IQCH: variants seen among roughly 807,000 people sequenced by gnomAD.
IQCH encodes the protein IQ motif containing H.
A neutral mutation model predicts 117.0 loss-of-function variants in IQCH; 98 were observed. The observed-to-expected ratio is 0.84, with a 90% CI of 0.71 to 0.99. The LOEUF is 0.99. IQCH is among the 50% of genes least tolerant of loss of function. The pLI, the probability that IQCH is intolerant of heterozygous loss-of-function variation, is 0.00. For missense variants in IQCH, 1,102 were observed against 1,243.8 expected (o/e 0.89, Z 1.72); for synonymous variants, 412 against 448.2 (o/e 0.92, Z 1.02).
chr15:67,354,880 T>C (rs10152973), intron 6 of IQCH, among the ~76,000 whole-genome samples: 31,847 of 152,066 alleles, frequency 0.21, 4,060 homozygotes, highest in East Asian at 0.47. Flanking sequence ...AGATGGCTTC[T>C]GCAGCCCTGG....
chr15:67,272,914 A>G (rs1255717121), intron 3 of IQCH, among the ~76,000 whole-genome samples: 1 of 152,088 alleles, frequency 6.6e-6, no homozygotes, highest in African/African-American at 2.4e-5. Context: ...ATTTACATTC[A>G]GTCTTATTAT....
Position 67,481,979 on chromosome 15 carries a change from C to G in IQCH, c.2799+6161C>G, listed in dbSNP as rs1418833644. Among the ~76,000 whole-genome samples, 1 of 152,160 alleles carries G rather than the reference C, an allele frequency of 6.6e-6. No homozygotes were observed. ...TTGTGCCTGTAATCCTAGCTGCTCA[C>G]GAGGTTGAGGCAGGAGGACCGCTCA... is the stretch of plus-strand genomic sequence containing the variant. On this transcript the variant is annotated intron_variant, in intron 18 of 20. Coordinates refer to ENST00000335894, the MANE Select transcript of IQCH (RefSeq NM_001031715.3). The surrounding 1 kb of genome is among the most constrained non-coding windows in gnomAD (Gnocchi z 4.1).
intron 16 of IQCH, among the ~76,000 whole-genome samples, chr15:67,439,810 C>A (rs2082221229): frequency 6.6e-6 from 1 of 150,920 alleles, no homozygotes; most frequent in Non-Finnish European, 1.5e-5. Context: ...ATCACTTGAA[C>A]CCGGGAGGCA....
chr15:67,354,600 ACAT>A (rs1969806720), intron 6 of IQCH, among the ~76,000 whole-genome samples: 1 of 116,970 alleles, frequency 8.5e-6, no homozygotes, highest in Non-Finnish European at 2.1e-5. Flanking sequence ...AGGTCCTAGC[ACAT>A]GCAATAAGAC....
intron 6 of IQCH, among the ~76,000 whole-genome samples, chr15:67,349,827 A>G (rs930610416): frequency 4.6e-5 from 7 of 152,224 alleles, no homozygotes; most frequent in Non-Finnish European, 1.0e-4. Flanking sequence ...CATGCTTAAC[A>G]TCATTAGTCA....
chr15:67,272,160 C>A (rs1596072576), intron 3 of IQCH, among the ~76,000 whole-genome samples: 1 of 151,080 alleles, frequency 6.6e-6, no homozygotes, highest in Admixed American at 6.6e-5. Context: ...TTTTTAATTT[C>A]TTTATTGACT....
rs373033124 is a variant in IQCH at position 67,408,565 on chromosome 15, G to C, written c.2097+8260G>C. 7.2e-5 allele frequency: 11 copies of C among 152,146 alleles called. No homozygotes were observed. The highest frequency in any genetic ancestry group is 2.4e-4 in the African/African-American group (10 of 41,444). 9.4% of individuals were successfully genotyped at this position (152,146 alleles called of 1,614,324 possible). A position where few individuals can be genotyped will look rare whatever the true frequency, so the allele number is the denominator to read the frequency against. ...GTGTGGAAATATCAAACAAGGCACA[G>C]CTCTTCACTCTGATTAACTAAAGTC... is the stretch of plus-strand genomic sequence containing the variant. On this transcript the variant is annotated intron_variant, in intron 14 of 20. Coordinates refer to ENST00000335894, the MANE Select transcript of IQCH (RefSeq NM_001031715.3). The surrounding 1 kb of genome is among the most constrained non-coding windows in gnomAD (Gnocchi z 4.2).
At chr15:67,298,261 T>C (rs907905106) in intron 4 of IQCH, among the ~76,000 whole-genome samples, 1 of 150,478 alleles carries the variant, frequency 6.6e-6, no homozygotes, top group African/African-American at 2.4e-5. Flanking sequence ...TAAGCCGATA[T>C]CACATCACTT....
At chr15:67,382,455 C>G (rs1293310577) in intron 10 of IQCH, among the ~76,000 whole-genome samples, 1 of 152,158 alleles carries the variant, frequency 6.6e-6, no homozygotes, top group Non-Finnish European at 1.5e-5. Context: ...GTCATGTAAC[C>G]CAATATATTC....
At chr15:67,399,098 C>A (rs892602868) in intron 13 of IQCH, among the ~76,000 whole-genome samples, 5 of 152,140 alleles carry the variant, frequency 3.3e-5, no homozygotes, top group Non-Finnish European at 5.9e-5. Flanking sequence ...CTACTTCACC[C>A]TTCTCCACCT....
chr15:67,371,774 T>C (rs1394724555), intron 8 of IQCH, among the ~76,000 whole-genome samples: 1 of 152,226 alleles, frequency 6.6e-6, no homozygotes, highest in Non-Finnish European at 1.5e-5. Context: ...TGCGTGCATG[T>C]GTAAAAACTA....
intron 4 of IQCH, among the ~76,000 whole-genome samples, chr15:67,309,493 CCCT>C (rs947782731): frequency 6.6e-6 from 1 of 151,962 alleles, no homozygotes; most frequent in Non-Finnish European, 1.5e-5. Flanking sequence ...CTGATTTGTC[CCCT>C]CCTCTGTCTA....
chr15:67,351,168 A>G (rs1969643478), intron 6 of IQCH, among the ~76,000 whole-genome samples: 1 of 152,088 alleles, frequency 6.6e-6, no homozygotes, highest in Admixed American at 6.5e-5. Context: ...GGTTTGCTGC[A>G]CCTATCAACC....
In IQCH at chr15:67,254,929, C is replaced by T. The variant is rs777735907; in HGVS notation, c.33C>T (p.Val11=). 1.9e-6 allele frequency: 3 copies of T among 1,613,628 alleles called. No individual in the cohort carries two copies. The highest frequency in any genetic ancestry group is 2.2e-5 in the South Asian group (2 of 91,036). The change falls in exon 1 of 21, where the codon GTC becomes GTT. Residue 11 remains valine (V), a synonymous_variant. Coordinates refer to ENST00000335894, the MANE Select transcript of IQCH (RefSeq NM_001031715.3). Reference sequence around the variant, plus strand: ...AGAACACTGAAAACCACGACCCTGTCGGATCCATCTTAATCCAGGTGGGAA... The same window carrying T: ...AGAACACTGAAAACCACGACCCTGTTGGATCCATCTTAATCCAGGTGGGAA... MAQNTENHDP[V]GSILIQIHED... is the part of the protein sequence containing the mutation.
At chr15:67,284,454 T>A (rs901807101) in intron 4 of IQCH, among the ~76,000 whole-genome samples, 26 of 152,114 alleles carry the variant, frequency 1.7e-4, no homozygotes, top group Non-Finnish European at 3.5e-4. Context: ...GGGTTTTTTG[T>A]TTGCTTGTTT....
At chr15:67,345,029 G>A (rs1969325122) in intron 6 of IQCH, among the ~76,000 whole-genome samples, 1 of 152,098 alleles carries the variant, frequency 6.6e-6, no homozygotes, top group East Asian at 1.9e-4. Flanking sequence ...CACTCTTGTT[G>A]CCCAGACTAG....
intron 3 of IQCH, among the ~76,000 whole-genome samples, chr15:67,268,366 C>T (rs1156699202): frequency 6.6e-6 from 1 of 152,190 alleles, no homozygotes; most frequent in Non-Finnish European, 1.5e-5. Context: ...TCACTGTTAT[C>T]CACACTTTGG....
chr15:67,256,758 G>C (rs193105752), intron 1 of IQCH, among the ~76,000 whole-genome samples: 130 of 152,308 alleles, frequency 8.5e-4, no homozygotes, highest in Admixed American at 3.7e-3. Context: ...AGAGCTAATA[G>C]TCATATCCAT....
At chr15:67,362,595 G>T (rs1970183165) in intron 8 of IQCH, among the ~76,000 whole-genome samples, 1 of 152,126 alleles carries the variant, frequency 6.6e-6, no homozygotes, top group South Asian at 2.1e-4. Context: ...GCCCCTATCT[G>T]CTCTCATTTC....
Sources: allele counts gnomAD v4.1 joint callset (sites outside exome capture counted in the v4.1 genomes callset), GRCh38; gene constraint gnomAD v4.1.1; non-coding constraint Gnocchi (gnomAD v3.1); transcripts MANE v1.5; gene names NCBI Gene and HGNC (gene_info 2026-07-23, HGNC 2026-07-21).